Variants in STXBP5L observed in about 807,000 individuals in gnomAD.
STXBP5L encodes the protein syntaxin binding protein 5L, also known as syntaxin-binding protein 5-like.
STXBP5L carries 65 observed loss-of-function variants against 144.5 expected under a neutral mutation model. That is an observed-to-expected ratio of 0.45 (90% confidence interval 0.37 to 0.55). STXBP5L has a LOEUF of 0.55. STXBP5L is among the 20% of genes least tolerant of loss of function. STXBP5L has a pLI of 0.00. For missense variants in STXBP5L, 1,298 were observed against 1,405.5 expected (o/e 0.92, Z 1.22); for synonymous variants, 505 against 469.6 (o/e 1.08, Z -0.97).
chr3:121,034,149 T>G (rs72968819), intron 3 of STXBP5L, among the ~76,000 whole-genome samples: 1 of 152,028 alleles, frequency 6.6e-6, no homozygotes, highest in Non-Finnish European at 1.5e-5. Flanking sequence ...TTTCTGAAAT[T>G]TATATACATT....
chr3:121,020,473 A>T (rs1302653702), intron 3 of STXBP5L, among the ~76,000 whole-genome samples: 3 of 152,246 alleles, frequency 2.0e-5, no homozygotes. Context: ...GGTTATCTAA[A>T]ATCATGATGA....
chr3:121,399,822 A>G (rs1355129899), intron 22 of STXBP5L, among the ~76,000 whole-genome samples: 1 of 152,172 alleles, frequency 6.6e-6, no homozygotes, highest in African/African-American at 2.4e-5. Context: ...GATTTTGTTT[A>G]TGGCTAGTTT....
chr3:121,019,949 T>C (rs1197829166), intron 3 of STXBP5L, among the ~76,000 whole-genome samples: 3 of 152,086 alleles, frequency 2.0e-5, no homozygotes, highest in Non-Finnish European at 4.4e-5. Context: ...AGAAAAAGAA[T>C]TCAGAAGGTC....
chr3:121,206,988 A>G (rs1170809165), intron 10 of STXBP5L, among the ~76,000 whole-genome samples: 2 of 152,326 alleles, frequency 1.3e-5, no homozygotes, highest in African/African-American at 4.8e-5. Context: ...TGAACATTTT[A>G]TAATGTTTTC....
chr3:121,017,918 A>G, intron 3 of STXBP5L, among the ~76,000 whole-genome samples: 1 of 152,102 alleles, frequency 6.6e-6, no homozygotes. Flanking sequence ...GTTTCTAAAC[A>G]AAACCAAAAA....
At chr3:121,332,769 A>G (rs2044362786) in intron 20 of STXBP5L, among the ~76,000 whole-genome samples, 1 of 152,038 alleles carries the variant, frequency 6.6e-6, no homozygotes, top group Non-Finnish European at 1.5e-5. Flanking sequence ...AAGTTCAAAG[A>G]ACTCCTGGGA....
At chr3:121,350,051 C>A (rs901561638) in intron 20 of STXBP5L, among the ~76,000 whole-genome samples, 2 of 152,096 alleles carry the variant, frequency 1.3e-5, no homozygotes, top group Admixed American at 1.3e-4. Context: ...TTCTCCCTAG[C>A]CTCAATGGTC....
At chr3:121,033,581 A>AG (rs907804295) in intron 3 of STXBP5L, among the ~76,000 whole-genome samples, 2 of 150,816 alleles carry the variant, frequency 1.3e-5, no homozygotes, top group South Asian at 2.1e-4. Context: ...TTAAAAAAAA[A>AG]AAAAACATTA....
chr3:121,215,297 T>C (rs182661691), intron 10 of STXBP5L, among the ~76,000 whole-genome samples: 1 of 152,342 alleles, frequency 6.6e-6, no homozygotes, highest in East Asian at 1.9e-4. Context: ...CTTCATAGTG[T>C]CTATGGTCTT....
At chr3:120,995,319 T>C (rs1943253828) in intron 3 of STXBP5L, among the ~76,000 whole-genome samples, 1 of 152,066 alleles carries the variant, frequency 6.6e-6, no homozygotes, top group Non-Finnish European at 1.5e-5. Context: ...GGCTAATTTT[T>C]TTATTTTTTG....
At chr3:121,030,165 A>G (rs9831771) in intron 3 of STXBP5L, among the ~76,000 whole-genome samples, 15,093 of 152,218 alleles carry the variant, frequency 0.099, 1,176 homozygotes, top group Admixed American at 0.2. Context: ...TGACTCAGCA[A>G]TCCCATTACT....
intron 18 of STXBP5L, among the ~76,000 whole-genome samples, chr3:121,277,341 T>C (rs1345520685): frequency 6.6e-6 from 1 of 152,006 alleles, no homozygotes; most frequent in Admixed American, 6.6e-5. Context: ...AATACAATCA[T>C]CTTGGGGGTT....
At chr3:120,989,762 T>C (rs1003949593) in intron 3 of STXBP5L, among the ~76,000 whole-genome samples, 3 of 152,176 alleles carry the variant, frequency 2.0e-5, no homozygotes, top group Non-Finnish European at 4.4e-5. Flanking sequence ...TTGATCCTTT[T>C]ATCATTACAT....
intron 2 of STXBP5L, among the ~76,000 whole-genome samples, chr3:120,927,934 A>G (rs1709723495): frequency 6.6e-6 from 1 of 152,166 alleles, no homozygotes; most frequent in Admixed American, 6.5e-5. Context: ...CAGTGCTCAT[A>G]TATTTTATTC....
chr3:121,378,407 G>A (rs756721329), intron 20 of STXBP5L, among the ~76,000 whole-genome samples: 6 of 151,974 alleles, frequency 3.9e-5, no homozygotes, highest in Non-Finnish European at 8.8e-5. Flanking sequence ...GTATATTTAA[G>A]TTATGCAACA....
At chr3:121,176,710 T>C (rs2046951548) in intron 9 of STXBP5L, among the ~76,000 whole-genome samples, 2 of 151,324 alleles carry the variant, frequency 1.3e-5, no homozygotes, top group Non-Finnish European at 3.0e-5. Context: ...AAGATAAAAT[T>C]ACAAAGAACA....
At chr3:121,326,493 A>G (rs980644206) in intron 20 of STXBP5L, among the ~76,000 whole-genome samples, 6 of 152,108 alleles carry the variant, frequency 3.9e-5, no homozygotes, top group African/African-American at 1.2e-4. Flanking sequence ...AGATAAATTC[A>G]TAAGTACATA....
intron 22 of STXBP5L, among the ~76,000 whole-genome samples, chr3:121,394,352 A>C (rs1161893998): frequency 6.6e-6 from 1 of 151,816 alleles, no homozygotes. Flanking sequence ...TTATAAGGTC[A>C]TATAATCAGT....
intron 19 of STXBP5L, chr3:121,282,163 G>T (rs1186621810): frequency 4.7e-6 from 4 of 855,288 alleles, no homozygotes; most frequent in East Asian, 2.6e-5. Flanking sequence ...TCTTCATCTT[G>T]GCTGTTCTAG....
Sources: gnomAD v4.1 joint callset for allele counts (sites outside exome capture counted in the v4.1 genomes callset) on GRCh38, gnomAD v4.1.1 for gene constraint, MANE v1.5 for transcripts, NCBI Gene and HGNC (gene_info 2026-07-23, HGNC 2026-07-21) for gene names.